The following PCBP3 variants were observed in gnomAD, a reference collection of about 807,000 sequenced individuals.
The protein encoded by PCBP3 is poly(rC)-binding protein 3.
In PCBP3, 25 loss-of-function variants were observed where a neutral mutation model predicts 52.7. The ratio of observed to expected loss-of-function variants is 0.47; its 90% CI spans 0.35 to 0.66. The LOEUF is 0.66. Among genes scored for constraint, PCBP3 ranks in the 30% least tolerant of loss-of-function variants. The probability of loss-of-function intolerance (pLI) is 0.01; values close to 1 mark genes in which losing one functional copy is unlikely to be tolerated. For missense variants in PCBP3, 391 were observed against 490.3 expected (o/e 0.80, Z 1.91); for synonymous variants, 162 against 183.0 (o/e 0.89, Z 0.93).
intron 2 of PCBP3, among the ~76,000 whole-genome samples, chr21:45,730,073 T>C (rs1250557521): frequency 6.6e-6 from 1 of 151,930 alleles, no homozygotes; most frequent in East Asian, 1.9e-4. Context: ...TTTTATTCTT[T>C]ATTTCCTTTC....
In PCBP3 at chr21:45,827,933, T is replaced by C. The variant is rs58126571; in HGVS notation, c.-125-22028T>C. 0.042 allele frequency: 6,345 copies of C among 152,352 alleles called. 304 individuals are homozygous for C. Among genetic ancestry groups the C allele is most frequent in the East Asian group, 0.11 (583 of 5,172 alleles). The allele number at this position is 152,352 out of a possible 1,614,324, so 9.4% of individuals were successfully genotyped here. A position where few individuals can be genotyped will look rare whatever the true frequency, so the allele number is the denominator to read the frequency against. ...AGCTCTGAGGGGCTTGGGGAGGCTGTAGTAATGAAAGGTCCTCAGATGCCA... is the reference window on the plus strand; with the variant it reads ...AGCTCTGAGGGGCTTGGGGAGGCTGCAGTAATGAAAGGTCCTCAGATGCCA... On this transcript the variant is annotated intron_variant, in intron 4 of 17. Transcript: ENST00000681687. This position sits in a 1 kb window ranked among gnomAD's most constrained non-coding sequence, Gnocchi z 4.3.
rs138111827 is a variant in PCBP3 at position 45,753,208 on chromosome 21, G to A, written c.-161-2209G>A. The stretch of plus-strand genomic sequence containing the variant: ...CACTATGACAGTTGTGTTCAAATAT[G>A]CTGGTATGATTGGATTAATAGATTT... On this transcript the variant is annotated intron_variant, in intron 3 of 17. Transcript: ENST00000681687. Among the ~76,000 whole-genome samples the A allele has an allele frequency of 1.3e-3, 189 of 149,426 alleles. 2 individuals are homozygous for A. Among genetic ancestry groups the A allele is most frequent in the African/African-American group, 4.3e-3 (176 of 40,668 alleles).
intron 1 of PCBP3, among the ~76,000 whole-genome samples, chr21:45,658,624 T>A (rs889882019): frequency 6.6e-6 from 1 of 152,180 alleles, no homozygotes; most frequent in Non-Finnish European, 1.5e-5. Context: ...TTTTTAAGTT[T>A]GTATTCTTAA....
At chr21:45,755,473 G>GT (rs2087942738) in intron 4 of PCBP3, among the ~76,000 whole-genome samples, 21 bp downstream of exon 4, 1 of 152,068 alleles carries the variant, frequency 6.6e-6, no homozygotes, top group Non-Finnish European at 1.5e-5. Context: ...GTTTAATTTT[G>GT]TAAGAAACTC....
chr21:45,894,871 A>G (rs1569458763), intron 5 of PCBP3, among the ~76,000 whole-genome samples: 2 of 152,360 alleles, frequency 1.3e-5, no homozygotes, highest in Admixed American at 1.3e-4. Flanking sequence ...CTTGTCCTTC[A>G]AAGTGTCATT....
chr21:45,739,861 G>A (rs551230364), intron 3 of PCBP3, among the ~76,000 whole-genome samples: 117 of 152,236 alleles, frequency 7.7e-4, no homozygotes, highest in African/African-American at 2.6e-3. Context: ...CACTCTCTTC[G>A]CTTTGCCTCT....
At chr21:45,923,009 C>T (rs765100903) in intron 13 of PCBP3, among the ~76,000 whole-genome samples, 39 of 152,356 alleles carry the variant, frequency 2.6e-4, no homozygotes, top group African/African-American at 5.8e-4. Context: ...ATGGGAGGCA[C>T]GACCAGATCC....
At chr21:45,872,036 C>T (rs550667829) in intron 5 of PCBP3, 1 of 152,148 alleles carries the variant, frequency 6.6e-6, no homozygotes, top group Non-Finnish European at 1.5e-5. Flanking sequence ...GGAGAGCGTC[C>T]GTTCGTGCTG....
chr21:45,938,778 T>G (rs1302722481), intron 16 of PCBP3, among the ~76,000 whole-genome samples: 1 of 152,166 alleles, frequency 6.6e-6, no homozygotes, highest in African/African-American at 2.4e-5. Context: ...TGTAGTCCAG[T>G]GAGACAGCTG....
intron 13 of PCBP3, among the ~76,000 whole-genome samples, chr21:45,922,519 C>T (rs1403166173): frequency 6.6e-6 from 1 of 152,192 alleles, no homozygotes; most frequent in Non-Finnish European, 1.5e-5. Context: ...TGCACCACTG[C>T]ACTCCAGCCT....
chr21:45,922,907 A>G (rs550108323), intron 13 of PCBP3, among the ~76,000 whole-genome samples: 4 of 152,370 alleles, frequency 2.6e-5, no homozygotes, highest in Non-Finnish European at 5.9e-5. Context: ...CTGGGAATCA[A>G]GCGGACACCA....
chr21:45,662,556 T>C (rs1340206869), intron 1 of PCBP3, among the ~76,000 whole-genome samples: 1 of 152,010 alleles, frequency 6.6e-6, no homozygotes. Flanking sequence ...TATAATAAAA[T>C]ATATAAAATA....
At chr21:45,683,881 G>A (rs936949976) in intron 2 of PCBP3, among the ~76,000 whole-genome samples, 6 of 151,644 alleles carry the variant, frequency 4.0e-5, no homozygotes, top group Middle Eastern at 3.4e-3. Context: ...AGCCGAGATC[G>A]TGCCACTGCA....
At chr21:45,876,132 T>A (rs982635436) in intron 5 of PCBP3, among the ~76,000 whole-genome samples, 1 of 152,184 alleles carries the variant, frequency 6.6e-6, no homozygotes, top group South Asian at 2.1e-4. Context: ...AGGGCACCGA[T>A]GGAGCGGTCA....
At chr21:45,776,514 C>G (rs1053639494) in intron 4 of PCBP3, among the ~76,000 whole-genome samples, 3 of 151,286 alleles carry the variant, frequency 2.0e-5, no homozygotes, top group African/African-American at 7.3e-5. Context: ...CTCTTTAGAT[C>G]TAGTAATGTT....
At chr21:45,908,599 C>T (rs369101460) in intron 9 of PCBP3, among the ~76,000 whole-genome samples, 3 of 152,248 alleles carry the variant, frequency 2.0e-5, no homozygotes, top group South Asian at 2.1e-4. Context: ...CTGCCTCTGC[C>T]GCGCTGTCCG....
chr21:45,740,621 A>AGTGTGTGT lies in PCBP3; in HGVS notation c.-162+5202_-162+5209dup, dbSNP rs34229652. Among the ~76,000 whole-genome samples, 474 of 150,490 alleles carry AGTGTGTGT rather than the reference A, an allele frequency of 3.1e-3. 2 individuals carry two copies. Among genetic ancestry groups the AGTGTGTGT allele is most frequent in the South Asian group, 0.016 (74 of 4,754 alleles). ...ATGTGAGTGTGTGTGTGGTGTGTGTAGTGTGTGTGTGTGTGTGAAGTGTGT... is the reference window on the plus strand; with the variant it reads ...ATGTGAGTGTGTGTGTGGTGTGTGTAGTGTGTGTGTGTGTGTGTGTGTGTGAAGTGTGT... On this transcript the variant is annotated intron_variant, in intron 3 of 17. Coordinates refer to ENST00000681687, the MANE Select transcript of PCBP3 (RefSeq NM_001384156.1).
rs1006944302 is a variant in PCBP3, at chr21:45,676,127, A to G, written c.-200+7175A>G. Among the ~76,000 whole-genome samples the G allele has an allele frequency of 7.9e-5, 12 of 152,168 alleles. 1 individual carries two copies. The highest frequency in any genetic ancestry group is 1.8e-4 in the Non-Finnish European group (12 of 68,014). On this transcript the variant is annotated intron_variant, in intron 2 of 17. Coordinates refer to ENST00000681687, the MANE Select transcript of PCBP3 (RefSeq NM_001384156.1). ...CCTCTTTTAATGGAACACTGTTTTT[A>G]CTTTAAAGAACAACTGACAGACAAA... is the stretch of plus-strand genomic sequence containing the variant.
At chr21:45,715,061 A>T (rs1200409053) in intron 2 of PCBP3, among the ~76,000 whole-genome samples, 1 of 152,250 alleles carries the variant, frequency 6.6e-6, no homozygotes, top group African/African-American at 2.4e-5. Context: ...ATGGGTATCA[A>T]AATGGATAAA....
Sources: allele counts gnomAD v4.1 joint callset (sites outside exome capture counted in the v4.1 genomes callset), GRCh38; gene constraint gnomAD v4.1.1; non-coding constraint Gnocchi (gnomAD v3.1); transcripts MANE v1.5; gene names NCBI Gene and HGNC (gene_info 2026-07-23, HGNC 2026-07-21).